GPR89B: variants seen among roughly 807,000 people sequenced by gnomAD.
GPR89B encodes the protein G protein-coupled receptor 89B.
Under a neutral mutation model 52.4 loss-of-function variants are expected in GPR89B, and 25 were observed. The ratio of observed to expected loss-of-function variants is 0.48; its 90% CI spans 0.35 to 0.67. The LOEUF (loss-of-function observed/expected upper bound fraction) is 0.67. Among genes scored for constraint, GPR89B ranks in the 30% least tolerant of loss-of-function variants. GPR89B has a pLI of 0.01. For missense variants in GPR89B, 146 were observed against 450.2 expected (o/e 0.32, Z 6.11); for synonymous variants, 52 against 151.2 (o/e 0.34, Z 4.81).
At chr1:147,931,310 C>A (rs1414298051) in intron 1 of GPR89B, among the ~76,000 whole-genome samples, 1 of 151,918 alleles carries the variant, frequency 6.6e-6, no homozygotes, top group African/African-American at 2.4e-5. Context: ...CAACTGTTAA[C>A]TAACTCATGT....
At chr1:147,933,560 G>A (rs1193346047) in intron 1 of GPR89B, among the ~76,000 whole-genome samples, 1 of 151,772 alleles carries the variant, frequency 6.6e-6, no homozygotes, top group Admixed American at 6.6e-5. Context: ...GTTCAAAAAT[G>A]AGCTCATCAT....
rs2149098425 is a variant in GPR89B at position 147,992,719 on chromosome 1, CT to C, written c.1173del (p.Phe391LeufsTer7). Reference sequence around the variant, plus strand: ...ATTCATTTGACTTACAGGGCATGTACTTTGTCTCCTCTGTGCTGCTGATCCG... The same window carrying C: ...ATTCATTTGACTTACAGGGCATGTACTTGTCTCCTCTGTGCTGCTGATCCG... ...LLLAQIMGMYFVSSVLLIRMS... is the reference protein window; with the variant it reads ...LLLAQIMGMYXVSSVLLIRMS... On this transcript the variant is annotated frameshift_variant, in exon 14 of 14. Coordinates refer to ENST00000314163, the MANE Select transcript of GPR89B (RefSeq NM_016334.5). LOFTEE classifies it high-confidence loss of function. The C allele has an allele frequency of 7.0e-7, 1 of 1,432,798 alleles. No individual in the cohort carries two copies. Among genetic ancestry groups the C allele is most frequent in the African/African-American group, 1.4e-5 (1 of 69,096 alleles). The allele number at this position is 1,432,798 out of a possible 1,614,324, so 88.8% of individuals were successfully genotyped here.
chr1:147,986,354 C>T, intron 11 of GPR89B, 60 bp downstream of exon 11: 1 of 1,604,650 alleles, frequency 6.2e-7, no homozygotes. Flanking sequence ...TATAACTTAT[C>T]ATTGTTAAGA....
At chr1:147,979,002 C>A (rs1213977815) in intron 10 of GPR89B, among the ~76,000 whole-genome samples, 2 of 151,388 alleles carry the variant, frequency 1.3e-5, no homozygotes, top group Non-Finnish European at 2.9e-5. Flanking sequence ...CAAGGGGAAT[C>A]TCCTGATCCA....
the GPR89B span, among the ~76,000 whole-genome samples, chr1:148,015,292 G>GCTCTCTCT: frequency 7.8e-5 from 4 of 50,968 alleles, no homozygotes; most frequent in Admixed American, 4.5e-4. Flanking sequence ...AGGATTCTAG[G>GCTCTCTCT]ATCTCTCTCT....
rs587697374 is a variant in GPR89B, at chr1:147,942,387, C to T, written c.207-1051C>T. On this transcript the variant is annotated intron_variant, in intron 3 of 13. Transcript: ENST00000314163. ...AGGAAAATGTAAAATGATGCAGCCA[C>T]ATTGGGAAACAGTGGGAGTGCCTAA... Among the ~76,000 whole-genome samples, 3 of 149,944 alleles carry T rather than the reference C, an allele frequency of 2.0e-5. No homozygotes were observed. In the East Asian group the frequency reaches 6.0e-4, roughly 30 times the overall value.
At chr1:148,011,218 AGCATTTAGGGGCCTTGAGTCGTGGTG>A in the GPR89B span, 1 of 152,222 alleles carries the variant, frequency 6.6e-6, no homozygotes. Context: ...CAGGCTGTAC[AGCATTTAGGGGCCTTGAGTCGTGGTG>A]GCTGGAAGCT....
chr1:147,929,266 A>G (rs1216804370), intron 1 of GPR89B, among the ~76,000 whole-genome samples: 1 of 150,478 alleles, frequency 6.6e-6, no homozygotes, highest in African/African-American at 2.5e-5. Context: ...GAGCGTAAAA[A>G]CATGTAAGAC....
At chr1:147,985,064 G>A (rs1251858753) in intron 10 of GPR89B, among the ~76,000 whole-genome samples, 2 of 152,018 alleles carry the variant, frequency 1.3e-5, no homozygotes, top group Non-Finnish European at 2.9e-5. Context: ...ATTGAGAGAG[G>A]GGATCCAGCT....
intron 5 of GPR89B, among the ~76,000 whole-genome samples, chr1:147,952,727 C>T (rs1655814726): frequency 6.6e-6 from 1 of 151,760 alleles, no homozygotes; most frequent in Admixed American, 6.6e-5. Flanking sequence ...ATTTTAACTG[C>T]TAAGTTGATT....
intron 4 of GPR89B, among the ~76,000 whole-genome samples, chr1:147,943,782 A>G (rs868955626): frequency 2.0e-5 from 3 of 152,108 alleles, no homozygotes; most frequent in Non-Finnish European, 2.9e-5. Context: ...TCTACCTATT[A>G]ATAATGTCTC....
intron 5 of GPR89B, among the ~76,000 whole-genome samples, chr1:147,951,628 A>T (rs1425563838): frequency 6.6e-5 from 10 of 151,936 alleles, no homozygotes; most frequent in African/African-American, 1.9e-4. Context: ...GAGGAGACAG[A>T]TGATGGAACA....
intron 10 of GPR89B, among the ~76,000 whole-genome samples, chr1:147,976,762 G>A (rs1287185758): frequency 6.6e-6 from 1 of 151,978 alleles, no homozygotes; most frequent in Non-Finnish European, 1.5e-5. Context: ...ACTTCAGTGT[G>A]TTTTTGTAGT....
At chr1:147,976,626 G>A (rs1268584576) in intron 10 of GPR89B, among the ~76,000 whole-genome samples, 1 of 150,058 alleles carries the variant, frequency 6.7e-6, no homozygotes, top group Non-Finnish European at 1.5e-5. Flanking sequence ...TTTTAATTGG[G>A]GCATTTAGCC....
the GPR89B span, among the ~76,000 whole-genome samples, chr1:148,020,526 T>G: frequency 5.3e-5 from 8 of 151,212 alleles, no homozygotes; most frequent in Non-Finnish European, 5.9e-5. Flanking sequence ...AGACCTGGAT[T>G]CCATTTCCGG....
At chr1:147,989,580 C>T (rs1202375818) in intron 12 of GPR89B, among the ~76,000 whole-genome samples, 3 of 152,194 alleles carry the variant, frequency 2.0e-5, no homozygotes, top group Admixed American at 2.0e-4. Context: ...GTCCCTCCCC[C>T]CTTCCCCCAC....
chr1:147,999,125 A>G, the GPR89B span, among the ~76,000 whole-genome samples: 1 of 151,280 alleles, frequency 6.6e-6, no homozygotes, highest in African/African-American at 2.4e-5. Flanking sequence ...AAATCATTCT[A>G]TGATAAGATC....
At position 147,992,469 on chromosome 1, in the gene GPR89B, A is replaced by G. The variant is rs1465832301; in HGVS notation, c.1096-33A>G. The G allele has an allele frequency of 3.6e-4, 583 of 1,609,674 alleles. 9 individuals carry two copies. In the South Asian group the frequency reaches 4.8e-3, roughly 13 times the overall value. Reference sequence around the variant, plus strand: ...GTTCGTGACACAGGAATCTAACAGTACTGCATAAATTTATCTCCCTCTTTC... The same window carrying G: ...GTTCGTGACACAGGAATCTAACAGTGCTGCATAAATTTATCTCCCTCTTTC... On this transcript the variant is annotated intron_variant, in intron 12 of 13. Coordinates refer to ENST00000314163, the MANE Select transcript of GPR89B (RefSeq NM_016334.5).
At chr1:148,005,373 C>T in the GPR89B span, 1 of 1,546,658 alleles carries the variant, frequency 6.5e-7, no homozygotes, top group Non-Finnish European at 8.8e-7. Flanking sequence ...TGGGGCATAC[C>T]TTTTCAACCA....
Sources: gnomAD v4.1 joint callset for allele counts (sites outside exome capture counted in the v4.1 genomes callset) on GRCh38, gnomAD v4.1.1 for gene constraint, MANE v1.5 for transcripts, NCBI Gene and HGNC (gene_info 2026-07-23, HGNC 2026-07-21) for gene names.